Variants in ZNF37A observed in about 807,000 individuals in gnomAD.
The protein encoded by ZNF37A is zinc finger protein 37A, also known as zinc finger protein 37a (KOX 21).
A neutral mutation model predicts 12.3 loss-of-function variants in ZNF37A; 10 were observed. That is an observed-to-expected ratio of 0.82 (90% confidence interval 0.50 to 1.38). The LOEUF is 1.38. ZNF37A is among the 40% of genes most tolerant of loss of function. The probability of loss-of-function intolerance (pLI) is 0.00; values close to 1 mark genes in which losing one functional copy is unlikely to be tolerated. For synonymous variants in ZNF37A, 207 were observed against 223.0 expected (o/e 0.93, Z 0.64); for missense variants, 580 against 651.2 (o/e 0.89, Z 1.19).
chr10:38,129,266 T>C (rs573682618), downstream of ZNF37A, among the ~76,000 whole-genome samples: 2 of 130,698 alleles, frequency 1.5e-5, no homozygotes, highest in East Asian at 4.4e-4. Context: ...CTTAAGAACT[T>C]CAGAACTCCA....
intron 5 of ZNF37A, among the ~76,000 whole-genome samples, chr10:38,100,187 G>A (rs187133517): frequency 6.6e-5 from 10 of 152,258 alleles, no homozygotes; most frequent in Admixed American, 5.9e-4. Flanking sequence ...ACTTTACAAG[G>A]TAATAGAATA....
At chr10:38,109,392 T>C (rs545617395) in intron 5 of ZNF37A, among the ~76,000 whole-genome samples, 1 of 152,240 alleles carries the variant, frequency 6.6e-6, no homozygotes, top group East Asian at 1.9e-4. Flanking sequence ...TAATACTGAA[T>C]GGGCAAAAAC....
chr10:38,117,645 A>G lies in ZNF37A; in HGVS notation c.494A>G (p.Lys165Arg). 2 of 1,614,020 alleles carry G rather than the reference A, an allele frequency of 1.2e-6. No individual in the cohort carries two copies. Among genetic ancestry groups the G allele is most frequent in the Non-Finnish European group, 1.7e-6 (2 of 1,179,982 alleles). Residue 165 changes from lysine (K) to arginine (R), a missense_variant, in exon 8 of 8, where the codon AAG becomes AGG. By Grantham distance (26) the Lys-to-Arg change is conservative. Coordinates refer to ENST00000685332, the MANE Select transcript of ZNF37A (RefSeq NM_001324250.3). ...GAGAATTCACTCTTCCTTGTACATA[A>G]GAGAGGTTACACAGGACAGAAAACC... ...FPENSLFLVH[K>R]RGYTGQKTCK...
downstream of ZNF37A, among the ~76,000 whole-genome samples, chr10:38,128,787 T>G (rs1256524872): frequency 6.6e-6 from 1 of 152,172 alleles, no homozygotes; most frequent in Non-Finnish European, 1.5e-5. Flanking sequence ...AGAGTCTAGC[T>G]TTATCGCCCA....
chr10:38,137,004 C>A (rs2070116175), intron 7 of ZNF37A, among the ~76,000 whole-genome samples: 2 of 152,060 alleles, frequency 1.3e-5, no homozygotes, highest in Admixed American at 6.6e-5. Context: ...AATTTTATAT[C>A]CTTTTTTGAA....
chr10:38,101,091 G>T (rs2067528929), intron 5 of ZNF37A, among the ~76,000 whole-genome samples: 1 of 152,138 alleles, frequency 6.6e-6, no homozygotes, highest in South Asian at 2.1e-4. Flanking sequence ...TTCCTTATCA[G>T]ATACATGAAT....
intron 7 of ZNF37A, among the ~76,000 whole-genome samples, chr10:38,133,279 G>A (rs1437202826): frequency 6.6e-6 from 1 of 152,058 alleles, no homozygotes; most frequent in Non-Finnish European, 1.5e-5. Context: ...GTAATTACTG[G>A]TAACACAGGG....
In ZNF37A at chr10:38,118,321, A is replaced by G. The variant is rs754615709; in HGVS notation, c.1170A>G (p.Lys390=). 3 of 1,613,962 alleles carry G rather than the reference A, an allele frequency of 1.9e-6. No individual in the cohort carries two copies. Among genetic ancestry groups the G allele is most frequent in the Non-Finnish European group, 2.5e-6 (3 of 1,179,990 alleles). The part of the protein sequence containing the change: ...EKPYECYACG[K]AFLRKSDLIK... ...CCTATGAATGCTATGCATGTGGGAA[A>G]GCCTTTCTCAGAAAATCAGACCTCA... The change falls in exon 8 of 8, where the codon AAA becomes AAG. Residue 390 remains lysine (K), a synonymous_variant. Transcript: ENST00000685332.
chr10:38,147,311 C>T (rs1405036368), exon 8 of ZNF37A: 1 of 152,190 alleles, frequency 6.6e-6, no homozygotes, highest in African/African-American at 2.4e-5. Context: ...AACTAATCCT[C>T]TGGATACCAA....
chr10:38,113,797 C>T (rs1381876196), intron 5 of ZNF37A, among the ~76,000 whole-genome samples: 1 of 152,170 alleles, frequency 6.6e-6, no homozygotes, highest in Non-Finnish European at 1.5e-5. Flanking sequence ...AATTATGTTA[C>T]AGAGATTCAG....
In ZNF37A at chr10:38,118,279, A is replaced by G. The variant is rs774336283; in HGVS notation, c.1128A>G (p.Thr376=). 1 of 1,613,924 alleles carries G rather than the reference A, an allele frequency of 6.2e-7. No homozygotes were observed. The highest frequency in any genetic ancestry group is 8.5e-7 in the Non-Finnish European group (1 of 1,179,970). ...CAGTCCTTACTGTGCATCAGAAAAC[A>G]CACACAGGGGAGAAGCCCTATGAAT... ...FKSVLTVHQK[T]HTGEKPYECY... is the part of the protein sequence containing the mutation. The change falls in exon 8 of 8, where the codon ACA becomes ACG. Residue 376 remains threonine (T), a synonymous_variant. Transcript: ENST00000685332.
At position 38,118,128 on chromosome 10, in the gene ZNF37A, C is replaced by G. The variant is rs780734269; in HGVS notation, c.977C>G (p.Pro326Arg). 21 of 1,613,814 alleles carry G rather than the reference C, an allele frequency of 1.3e-5. No individual in the cohort carries two copies. Among genetic ancestry groups the G allele is most frequent in the Non-Finnish European group, 1.7e-5 (20 of 1,179,918 alleles). ...KHQRIHTGER[P>R]YGCHECGKSF... Reference sequence around the variant, plus strand: ...CAAAGAATTCATACAGGGGAGAGACCTTATGGATGTCATGAATGTGGGAAA... The same window carrying G: ...CAAAGAATTCATACAGGGGAGAGACGTTATGGATGTCATGAATGTGGGAAA... Residue 326 changes from proline (P) to arginine (R), a missense_variant, in exon 8 of 8, where the codon CCT (proline) becomes CGT (arginine). Physicochemically the swap from Pro to Arg is moderately radical, Grantham distance 103. Transcript: ENST00000685332.
At chr10:38,130,835 G>C (rs913851525) in intron 7 of ZNF37A, among the ~76,000 whole-genome samples, 1 of 152,064 alleles carries the variant, frequency 6.6e-6, no homozygotes, top group African/African-American at 2.4e-5. Context: ...CAAGTGTTCT[G>C]ACTTCACCAC....
At chr10:38,105,322 C>T (rs2067973483) in intron 5 of ZNF37A, among the ~76,000 whole-genome samples, 2 of 152,260 alleles carry the variant, frequency 1.3e-5, no homozygotes, top group South Asian at 4.1e-4. Flanking sequence ...AATCTCTTAC[C>T]TGCCAGTGCT....
intron 5 of ZNF37A, among the ~76,000 whole-genome samples, chr10:38,112,756 T>TCGGTCTCGGTCTCGGTC (rs1564932048): frequency 3.9e-5 from 2 of 51,222 alleles, no homozygotes; most frequent in African/African-American, 1.6e-4. Context: ...TTTTCTTTTC[T>TCGGTCTCGGTCTCGGTC]TTTCTTTTCT....
rs1488672157 is a variant in ZNF37A, at chr10:38,121,751, A to G, written c.*2914A>G. ...AATAAATAAATTGTTGTGTGTGCAC[A>G]TATGCATATATTTTGTGTTCATTCT... On this transcript the variant is annotated 3_prime_UTR_variant, in exon 8 of 8. Transcript: ENST00000685332. 1 of 152,242 alleles carries G rather than the reference A, an allele frequency of 6.6e-6. No individual in the cohort carries two copies. Among genetic ancestry groups the G allele is most frequent in the African/African-American group, 2.4e-5 (1 of 41,454 alleles). 9.4% of individuals were successfully genotyped at this position (152,242 alleles called of 1,614,324 possible).
chr10:38,097,745 T>C lies in ZNF37A; in HGVS notation c.15+1113T>C, dbSNP rs376416220. Among the ~76,000 whole-genome samples the C allele has an allele frequency of 2.0e-5, 3 of 152,084 alleles. No homozygotes were observed. In the East Asian group the frequency reaches 5.8e-4, roughly 29 times the overall value. On this transcript the variant is annotated intron_variant, in intron 5 of 7. Coordinates refer to ENST00000685332, the MANE Select transcript of ZNF37A (RefSeq NM_001324250.3). ...CTAGAGACTGGGCAGAACTGGAATA[T>C]TTGCAATAACTTTCAAGAGATTCTA...
intron 7 of ZNF37A, among the ~76,000 whole-genome samples, chr10:38,134,787 T>C (rs1299772135): frequency 6.6e-6 from 1 of 152,208 alleles, no homozygotes; most frequent in Non-Finnish European, 1.5e-5. Context: ...GATCTCAAAC[T>C]CTGTGCTGGG....
rs1564932429 is a variant in ZNF37A at position 38,112,783 on chromosome 10, T to TCTTG, written c.16-1972_16-1971insCTTG. The stretch of plus-strand genomic sequence containing the variant: ...TTCTTTTCTTTTCTTTTCTTTTCTT[T>TCTTG]TCTTTTCTTTTCTTGTCTTGTCTTG... On this transcript the variant is annotated intron_variant, in intron 5 of 7. Coordinates refer to ENST00000685332, the MANE Select transcript of ZNF37A (RefSeq NM_001324250.3). 8.5e-4 allele frequency among the ~76,000 whole-genome samples: 49 copies of TCTTG among 57,890 alleles called. 2 individuals are homozygous for TCTTG. The South Asian group carries it at 8.6e-3, about 10-fold the overall frequency. The allele number at this position is 57,890 out of a possible 152,430, so 38.0% of individuals were successfully genotyped here. A position where few individuals can be genotyped will look rare whatever the true frequency, so the allele number is the denominator to read the frequency against.
Sources: allele counts gnomAD v4.1 joint callset (sites outside exome capture counted in the v4.1 genomes callset), GRCh38; gene constraint gnomAD v4.1.1; transcripts MANE v1.5; gene names NCBI Gene and HGNC (gene_info 2026-07-23, HGNC 2026-07-21).